ADAMTS20: variants seen among roughly 807,000 people sequenced by gnomAD.
ADAMTS20 encodes the protein ADAM metallopeptidase with thrombospondin type 1 motif 20.
ADAMTS20 carries 225 observed loss-of-function variants against 260.1 expected under a neutral mutation model. The ratio of observed to expected loss-of-function variants is 0.87; its 90% CI spans 0.78 to 0.97. The LOEUF (loss-of-function observed/expected upper bound fraction) is 0.97, where lower values mean the gene tolerates loss of function less well. ADAMTS20 is among the 50% of genes least tolerant of loss of function. The probability of loss-of-function intolerance (pLI) is 0.00; values close to 1 mark genes in which losing one functional copy is unlikely to be tolerated. For synonymous variants in ADAMTS20, 802 were observed against 769.5 expected, an observed-to-expected ratio of 1.04 and a Z score of -0.70; for missense variants, 2,400 against 2,337.7, an observed-to-expected ratio of 1.03 and a Z score of -0.55.
intron 29 of ADAMTS20, among the ~76,000 whole-genome samples, chr12:43,388,396 A>C (rs12304825): frequency 0.015 from 2,354 of 152,288 alleles, 54 homozygotes; most frequent in African/African-American, 0.053. Flanking sequence ...TGGGTACCTC[A>C]GTTGGAAATG....
At chr12:43,528,330 A>T (rs1176080306) in intron 3 of ADAMTS20, among the ~76,000 whole-genome samples, 1 of 129,814 alleles carries the variant, frequency 7.7e-6, no homozygotes, top group African/African-American at 2.8e-5. Context: ...GGAGACCAAC[A>T]GCCAAGGCAA....
chr12:43,440,396 G>C (rs746325388), intron 16 of ADAMTS20, among the ~76,000 whole-genome samples: 1 of 152,100 alleles, frequency 6.6e-6, no homozygotes, highest in Non-Finnish European at 1.5e-5. Context: ...CAATCTGCCC[G>C]CTTCGGCCTC....
At chr12:43,457,514 A>G (rs997892336) in intron 11 of ADAMTS20, among the ~76,000 whole-genome samples, 1 of 152,192 alleles carries the variant, frequency 6.6e-6, no homozygotes, top group Non-Finnish European at 1.5e-5. Context: ...ATTTACTAGA[A>G]TGTCTAATAA....
intron 7 of ADAMTS20, among the ~76,000 whole-genome samples, chr12:43,472,120 C>T (rs1175886519): frequency 6.8e-6 from 1 of 146,852 alleles, no homozygotes; most frequent in Non-Finnish European, 1.5e-5. Flanking sequence ...ACTAGAATAA[C>T]CAATACAGAG....
chr12:43,481,275 G>T (rs552875232), intron 7 of ADAMTS20, among the ~76,000 whole-genome samples: 98 of 152,092 alleles, frequency 6.4e-4, no homozygotes, highest in African/African-American at 2.2e-3. Flanking sequence ...GGGTTAAGAT[G>T]AAATAATCAT....
chr12:43,431,906 C>T (rs2137308432), intron 21 of ADAMTS20, among the ~76,000 whole-genome samples: 1 of 151,932 alleles, frequency 6.6e-6, no homozygotes, highest in African/African-American at 2.4e-5. Flanking sequence ...CTCTGTCACC[C>T]ATGCTGGAGT....
chr12:43,422,226 T>C (rs541899276), intron 28 of ADAMTS20, among the ~76,000 whole-genome samples: 5 of 152,156 alleles, frequency 3.3e-5, no homozygotes, highest in African/African-American at 4.8e-5. Flanking sequence ...TTTAAATAAT[T>C]TTACATTTCA....
chr12:43,549,123 A>G (rs1237374559), intron 2 of ADAMTS20, among the ~76,000 whole-genome samples: 1 of 151,906 alleles, frequency 6.6e-6, no homozygotes, highest in East Asian at 1.9e-4. Context: ...GATTGATTTC[A>G]TTTTTTATTA....
At chr12:43,462,214 T>C (rs1942076121) in intron 11 of ADAMTS20, among the ~76,000 whole-genome samples, 1 of 152,194 alleles carries the variant, frequency 6.6e-6, no homozygotes, top group African/African-American at 2.4e-5. Context: ...CAAGGAAGTG[T>C]TCCTTTTACA....
Position 43,354,181 on chromosome 12 carries a change from T to A in ADAMTS20, c.*28A>T. 6.8e-7 allele frequency: 1 copy of A among 1,479,568 alleles called. No homozygotes were observed. The highest frequency in any genetic ancestry group is 1.2e-5 in the South Asian group (1 of 82,148). The allele number at this position is 1,479,568 out of a possible 1,614,324, so 91.7% of individuals were successfully genotyped here. The stretch of plus-strand genomic sequence containing the variant: ...GAATATTCCAGAGAATATCCCCTCT[T>A]TAGGGCATACTTCCCCCTTCTAAAT... On this transcript the variant is annotated 3_prime_UTR_variant, in exon 39 of 39. Coordinates refer to ENST00000389420, the MANE Select transcript of ADAMTS20 (RefSeq NM_025003.5).
intron 3 of ADAMTS20, among the ~76,000 whole-genome samples, chr12:43,523,374 T>A (rs11182131): frequency 2.0e-5 from 3 of 151,854 alleles, no homozygotes; most frequent in Non-Finnish European, 4.4e-5. Flanking sequence ...TTAACTCAGG[T>A]AGTGGTCATA....
At position 43,424,428 on chromosome 12, in the gene ADAMTS20, T is replaced by A. The variant is rs187267300; in HGVS notation, c.4284+1086A>T. On this transcript the variant is annotated intron_variant, in intron 28 of 38. Transcript: ENST00000389420. Reference sequence around the variant, plus strand: ...TCCACAAAGTGGGAGAAATGCATAATCTATAGATTATTACATAAATTAAAC... The same window carrying A: ...TCCACAAAGTGGGAGAAATGCATAAACTATAGATTATTACATAAATTAAAC... Among the ~76,000 whole-genome samples, 124 of 152,238 alleles carry A rather than the reference T, an allele frequency of 8.1e-4. 1 individual carries two copies. The highest frequency in any genetic ancestry group is 2.8e-3 in the African/African-American group (115 of 41,562).
intron 28 of ADAMTS20, among the ~76,000 whole-genome samples, 161 bp downstream of exon 28, chr12:43,425,353 C>T (rs1001759398): frequency 6.6e-6 from 1 of 152,160 alleles, no homozygotes; most frequent in African/African-American, 2.4e-5. Flanking sequence ...GTGCAGCGAA[C>T]CACCATGGCA....
chr12:43,476,250 A>G lies in ADAMTS20; in HGVS notation c.1118-7545T>C, dbSNP rs909309918. 3.3e-4 allele frequency among the ~76,000 whole-genome samples: 23 copies of G among 70,412 alleles called. 2 individuals are homozygous for G. The highest frequency in any genetic ancestry group is 4.6e-4 in the Non-Finnish European group (17 of 36,968). 46.2% of individuals were successfully genotyped at this position (70,412 alleles called of 152,430 possible). ...CCAAAAAACACATGAAAAAATGCTC[A>G]TCATCACTGGTCATCAGAGAAATGC... is the stretch of plus-strand genomic sequence containing the variant. On this transcript the variant is annotated intron_variant, in intron 7 of 38. Coordinates refer to ENST00000389420, the MANE Select transcript of ADAMTS20 (RefSeq NM_025003.5).
At chr12:43,364,068 C>A (rs1448768441) in intron 37 of ADAMTS20, among the ~76,000 whole-genome samples, 3 of 151,826 alleles carry the variant, frequency 2.0e-5, no homozygotes, top group African/African-American at 4.8e-5. Flanking sequence ...TATTGTTATC[C>A]CTGAAGGAGA....
At chr12:43,409,601 C>CAAAAAAAAAAAAAAAAA (rs67474640) in intron 28 of ADAMTS20, among the ~76,000 whole-genome samples, 5 of 46,908 alleles carry the variant, frequency 1.1e-4, no homozygotes, top group Admixed American at 2.4e-4. Context: ...GACTCCGTCT[C>CAAAAAAAAAAAAAAAAA]AAAAAAAAAA....
intron 28 of ADAMTS20, among the ~76,000 whole-genome samples, chr12:43,421,263 A>G (rs1187485656): frequency 7.1e-6 from 1 of 141,290 alleles, no homozygotes; most frequent in African/African-American, 2.7e-5. Context: ...TTAGGGTTCA[A>G]GTAGCAAGCT....
chr12:43,361,720 T>C (rs1002015706), intron 37 of ADAMTS20, among the ~76,000 whole-genome samples: 1 of 152,220 alleles, frequency 6.6e-6, no homozygotes, highest in Non-Finnish European at 1.5e-5. Flanking sequence ...ATAGCTATCT[T>C]ATGATTTAAA....
chr12:43,457,417 T>A (rs1941984049), intron 11 of ADAMTS20, among the ~76,000 whole-genome samples: 1 of 152,178 alleles, frequency 6.6e-6, no homozygotes, highest in East Asian at 1.9e-4. Flanking sequence ...ATCTTGGTTT[T>A]TTAATTCTTT....
Sources: allele counts gnomAD v4.1 joint callset (sites outside exome capture counted in the v4.1 genomes callset), GRCh38; gene constraint gnomAD v4.1.1; transcripts MANE v1.5; gene names NCBI Gene and HGNC (gene_info 2026-07-23, HGNC 2026-07-21).